ZER1: variants seen among roughly 807,000 people sequenced by gnomAD.
The protein encoded by ZER1 is protein zer-1 homolog.
In ZER1, 11 loss-of-function variants were observed where a neutral mutation model predicts 78.8. The ratio of observed to expected loss-of-function variants is 0.14; its 90% CI spans 0.09 to 0.23. The LOEUF (loss-of-function observed/expected upper bound fraction) is 0.23, where lower values mean the gene tolerates loss of function less well. ZER1 is among the 10% of genes least tolerant of loss of function. ZER1 has a pLI of 1.00. For missense variants in ZER1, 588 were observed against 996.9 expected, an observed-to-expected ratio of 0.59 and a Z score of 5.52; for synonymous variants, 400 against 407.0, an observed-to-expected ratio of 0.98 and a Z score of 0.21.
chr9:128,739,056 T>A (rs757706088), intron 13 of ZER1, among the ~76,000 whole-genome samples: 23 of 151,420 alleles, frequency 1.5e-4, no homozygotes, highest in Non-Finnish European at 3.4e-4. Context: ...TTCACCATGT[T>A]GGGCAGGCTG....
In ZER1 at chr9:128,754,064, T is replaced by C; in HGVS notation, c.159-105A>G. 1 of 1,372,296 alleles carries C rather than the reference T, an allele frequency of 7.3e-7. No individual in the cohort carries two copies. The highest frequency in any genetic ancestry group is 2.5e-5 in the East Asian group (1 of 39,720). The allele number at this position is 1,372,296 out of a possible 1,614,324, so 85.0% of individuals were successfully genotyped here. A position where few individuals can be genotyped will look rare whatever the true frequency, so the allele number is the denominator to read the frequency against. Reference sequence around the variant, plus strand: ...TGAAGCTTTCTTGGATCACCCCAAGTAGCAACCTCCTTCTCCTAAGAGTAT... The same window carrying C: ...TGAAGCTTTCTTGGATCACCCCAAGCAGCAACCTCCTTCTCCTAAGAGTAT... On this transcript the variant is annotated intron_variant, in intron 2 of 15. Coordinates refer to ENST00000291900, the MANE Select transcript of ZER1 (RefSeq NM_006336.4). This position sits in a 1 kb window ranked among gnomAD's most constrained non-coding sequence, Gnocchi z 4.3.
intron 8 of ZER1, among the ~76,000 whole-genome samples, chr9:128,743,938 G>A (rs7868318): frequency 0.87 from 119,648 of 136,896 alleles, 53,232 homozygotes; most frequent in Non-Finnish European, 0.96. Context: ...TCACTCTGTC[G>A]CCCAGGGTGG....
intron 4 of ZER1, 126 bp from the exon 5 acceptor site, chr9:128,752,975 C>T: frequency 2.2e-6 from 3 of 1,357,544 alleles, no homozygotes; most frequent in Non-Finnish European, 3.0e-6. Context: ...CCAGGGCATT[C>T]TGGGAAGAAA....
Position 128,751,246 on chromosome 9 carries a change from T to C in ZER1, c.1061A>G (p.Glu354Gly). The change falls in exon 7 of 16, where the codon GAG becomes GGG. Residue 354 changes from glutamate (E) to glycine (G), a missense_variant. Transcript: ENST00000291900. This position sits in a 1 kb window ranked among gnomAD's most constrained non-coding sequence, Gnocchi z 5.4. ...AYKVSGDKNE[E>G]QVLNAIEAYT... is the part of the protein sequence containing the mutation. ...GGCCTCGATGGCATTCAGCACCTGC[T>C]CTTCGTTTTTGTCACCACTTACCTG... 3.8e-6 allele frequency: 6 copies of C among 1,598,654 alleles called. No homozygotes were observed. Among genetic ancestry groups the C allele is most frequent in the Non-Finnish European group, 5.1e-6 (6 of 1,167,462 alleles).
At chr9:128,743,500 C>T (rs1564396873) in intron 8 of ZER1, among the ~76,000 whole-genome samples, 1 of 152,138 alleles carries the variant, frequency 6.6e-6, no homozygotes, top group Non-Finnish European at 1.5e-5. Context: ...TGGCTCACTG[C>T]AGCATCAACC....
chr9:128,733,317 TA>T, intron 15 of ZER1, 108 bp downstream of exon 15: 1 of 893,452 alleles, frequency 1.1e-6, no homozygotes, highest in Non-Finnish European at 1.8e-6. Context: ...TACTCAACTC[TA>T]AGCTGTCCCT....
In ZER1 at chr9:128,733,533, G is replaced by A; in HGVS notation, c.2141-5C>T. On this transcript the variant is annotated splice_region_variant and splice_polypyrimidine_tract_variant and intron_variant, in intron 14 of 15. Transcript: ENST00000291900. ...GCAGAGGGCAGTACTTGTCCGCTGT[G>A]GGATAGGAGCAGACAGCAGAGGATC... is the stretch of plus-strand genomic sequence containing the variant. 1 of 1,611,474 alleles carries A rather than the reference G, an allele frequency of 6.2e-7. No individual in the cohort carries two copies. The highest frequency in any genetic ancestry group is 8.5e-7 in the Non-Finnish European group (1 of 1,178,530).
intron 1 of ZER1, among the ~76,000 whole-genome samples, chr9:128,757,096 TAAAAC>T (rs1330014956): frequency 6.6e-6 from 1 of 152,176 alleles, no homozygotes; most frequent in Admixed American, 6.5e-5. Flanking sequence ...ATGTGAAAGT[TAAAAC>T]AATAAGGTTT....
chr9:128,737,357 T>C (rs1191782065), intron 13 of ZER1, among the ~76,000 whole-genome samples: 2 of 152,104 alleles, frequency 1.3e-5, no homozygotes, highest in African/African-American at 4.8e-5. Flanking sequence ...GAAACACGTG[T>C]GTGCAAAACT....
In ZER1 at chr9:128,732,184, C is replaced by A. The variant is rs1199459384; in HGVS notation, c.2244-790G>T. ...CTCCTTGCTGTCAGACAGGCCAGTG[C>A]CTCAGATTCCCATCACAGGCCTTGG... On this transcript the variant is annotated intron_variant, in intron 15 of 15. Coordinates refer to ENST00000291900, the MANE Select transcript of ZER1 (RefSeq NM_006336.4). This position sits in a 1 kb window ranked among gnomAD's most constrained non-coding sequence, Gnocchi z 4.8. Among the ~76,000 whole-genome samples, 1 of 152,214 alleles carries A rather than the reference C, an allele frequency of 6.6e-6. No individual in the cohort carries two copies. The highest frequency in any genetic ancestry group is 6.5e-5 in the Admixed American group (1 of 15,278).
intron 13 of ZER1, among the ~76,000 whole-genome samples, chr9:128,737,015 G>T (rs1377828912): frequency 6.6e-6 from 1 of 152,132 alleles, no homozygotes; most frequent in Non-Finnish European, 1.5e-5. Context: ...ATGGTAACGT[G>T]CACCTGTAAT....
rs1371957842 is a variant in ZER1, at chr9:128,734,461, T to G, written c.2140+873A>C. Among the ~76,000 whole-genome samples the G allele has an allele frequency of 9.2e-5, 14 of 151,648 alleles. No homozygotes were observed. In the East Asian group the frequency reaches 2.6e-3, roughly 28 times the overall value. On this transcript the variant is annotated intron_variant, in intron 14 of 15. Coordinates refer to ENST00000291900, the MANE Select transcript of ZER1 (RefSeq NM_006336.4). The stretch of plus-strand genomic sequence containing the variant: ...ATCTGCCCGTCTCAGCCTCCCAATG[T>G]GCTAGGATTACAGGCATGAGCCACT...
intron 14 of ZER1, among the ~76,000 whole-genome samples, chr9:128,734,013 AGCTACACGGGAG>A (rs1862940205): frequency 8.5e-6 from 1 of 117,510 alleles, no homozygotes; most frequent in Admixed American, 9.6e-5. Context: ...CTGTAGTCCC[AGCTACACGGGAG>A]GCTGAGGCAG....
rs968120366 is a variant in ZER1, at chr9:128,740,680, T to C, written c.1853+92A>G. Reference sequence around the variant, plus strand: ...GGGAAAATGACATTTATAGCAAACCTAGGCTAAGAGCAGTTGTGCAACTGA... The same window carrying C: ...GGGAAAATGACATTTATAGCAAACCCAGGCTAAGAGCAGTTGTGCAACTGA... On this transcript the variant is annotated intron_variant, in intron 12 of 15. Transcript: ENST00000291900. This position sits in a 1 kb window ranked among gnomAD's most constrained non-coding sequence, Gnocchi z 4.4. 1 of 681,876 alleles carries C rather than the reference T, an allele frequency of 1.5e-6. No homozygotes were observed. Among genetic ancestry groups the C allele is most frequent in the African/African-American group, 1.8e-5 (1 of 55,802 alleles). 42.2% of individuals were successfully genotyped at this position (681,876 alleles called of 1,614,324 possible). A position where few individuals can be genotyped will look rare whatever the true frequency, so the allele number is the denominator to read the frequency against.
chr9:128,752,605 G>A (rs1052029588), intron 5 of ZER1, 68 bp downstream of exon 5: 3 of 1,495,922 alleles, frequency 2.0e-6, no homozygotes, highest in African/African-American at 2.8e-5. Context: ...ACAGGCGTGA[G>A]CCACTGCGCC....
intron 13 of ZER1, 42 bp downstream of exon 13, chr9:128,739,889 C>G (rs1352793878): frequency 2.5e-6 from 4 of 1,581,194 alleles, no homozygotes; most frequent in Non-Finnish European, 3.5e-6. Flanking sequence ...AGCACTTACC[C>G]CATATTCCAC....
In ZER1 at chr9:128,732,546, T is replaced by G. The variant is rs1386097525; in HGVS notation, c.2243+880A>C. Among the ~76,000 whole-genome samples, 4 of 152,136 alleles carry G rather than the reference T, an allele frequency of 2.6e-5. No homozygotes were observed. Among genetic ancestry groups the G allele is most frequent in the African/African-American group, 9.7e-5 (4 of 41,440 alleles). ...CACCACGCCGAGCTAATTTTTGTAT[T>G]TTTAGTAGAGACGGGGTTTTACCAT... On this transcript the variant is annotated intron_variant, in intron 15 of 15. Coordinates refer to ENST00000291900, the MANE Select transcript of ZER1 (RefSeq NM_006336.4). This position sits in a 1 kb window ranked among gnomAD's most constrained non-coding sequence, Gnocchi z 4.8.
rs1864390495 is a variant in ZER1, at chr9:128,771,687, G to A, written c.-201C>T. The A allele has an allele frequency of 6.6e-6, 1 of 152,284 alleles. No individual in the cohort carries two copies. The highest frequency in any genetic ancestry group is 1.5e-5 in the Non-Finnish European group (1 of 68,106). 9.4% of individuals were successfully genotyped at this position (152,284 alleles called of 1,614,324 possible). A position where few individuals can be genotyped will look rare whatever the true frequency, so the allele number is the denominator to read the frequency against. On this transcript the variant is annotated 5_prime_UTR_variant, in exon 1 of 16. Coordinates refer to ENST00000291900, the MANE Select transcript of ZER1 (RefSeq NM_006336.4). ...AATCCGGGGCCAGAGCACCTCAGGA[G>A]GTTGGGGATCTCGTCAGGCTAGAGC...
At chr9:128,772,441 C>A (rs908439100), upstream of ZER1, 3 of 152,286 alleles carry the variant, frequency 2.0e-5, no homozygotes, top group African/African-American at 7.2e-5. Flanking sequence ...CTGGGCCCCT[C>A]GTCCAGTCTC....
Sources: allele counts gnomAD v4.1 joint callset (sites outside exome capture counted in the v4.1 genomes callset), GRCh38; gene constraint gnomAD v4.1.1; non-coding constraint Gnocchi (gnomAD v3.1); transcripts MANE v1.5; gene names NCBI Gene and HGNC (gene_info 2026-07-23, HGNC 2026-07-21).